KIAA0408: variants seen among roughly 807,000 people sequenced by gnomAD.
The protein encoded by KIAA0408 is KIAA0408.
Under a neutral mutation model 60.9 loss-of-function variants are expected in KIAA0408, and 51 were observed. That is an observed-to-expected ratio of 0.84 (90% CI 0.67 to 1.06). The LOEUF (loss-of-function observed/expected upper bound fraction) is 1.06, where lower values mean the gene tolerates loss of function less well. Ranked by LOEUF, KIAA0408 falls within the 50% of genes least tolerant of loss-of-function variation. KIAA0408 has a pLI of 0.00. For missense variants in KIAA0408, 787 were observed against 833.9 expected, an observed-to-expected ratio of 0.94 and a Z score of 0.69; for synonymous variants, 304 against 282.4, an observed-to-expected ratio of 1.08 and a Z score of -0.77.
intron 2 of KIAA0408, among the ~76,000 whole-genome samples, chr6:127,452,005 A>G (rs540113933): frequency 6.6e-6 from 1 of 152,272 alleles, no homozygotes; most frequent in East Asian, 1.9e-4. Context: ...CAGAATTTCT[A>G]TCTGGATTAT....
rs1353048483 is a variant in KIAA0408 at position 127,453,951 on chromosome 6, CTG to C, written c.29_30del (p.Thr10ArgfsTer3). The C allele has an allele frequency of 7.4e-6, 12 of 1,612,788 alleles. No individual in the cohort carries two copies. The highest frequency in any genetic ancestry group is 9.3e-6 in the Non-Finnish European group (11 of 1,179,192). ...ATCTTTTCCTTATGCCAGTTAGTCT[CTG>C]TGTTCTCCCACTGCTTATGTAGGTC... MDLHKQWEN[T>X]ETNWHKEKME... On this transcript the variant is annotated frameshift_variant, in exon 2 of 6. Transcript: ENST00000483725. LOFTEE classifies it high-confidence loss of function.
At chr6:127,453,164 A>G (rs3757001) in intron 2 of KIAA0408, among the ~76,000 whole-genome samples, 29,038 of 152,044 alleles carry the variant, frequency 0.19, 4,536 homozygotes, top group East Asian at 0.65. Flanking sequence ...ATTATTTCCA[A>G]TTGGTGCAAA....
chr6:127,449,774 T>C, intron 4 of KIAA0408, 48 bp downstream of exon 4: 1 of 1,608,754 alleles, frequency 6.2e-7, no homozygotes, highest in Non-Finnish European at 8.5e-7. Flanking sequence ...CTAAAAACAA[T>C]ATTATTTTTT....
At chr6:127,444,379 A>G in intron 5 of KIAA0408, 97 bp from the exon 6 acceptor site, 1 of 947,208 alleles carries the variant, frequency 1.1e-6, no homozygotes, top group Admixed American at 3.0e-5. Context: ...CCGTTAGTAA[A>G]TTTACAAGAA....
intron 5 of KIAA0408, 142 bp downstream of exon 5, chr6:127,446,266 T>C (rs2114790995): frequency 7.1e-7 from 1 of 1,410,984 alleles, no homozygotes; most frequent in East Asian, 2.3e-5. Context: ...TGAGTTATAT[T>C]TATTTACAAA....
intron 2 of KIAA0408, among the ~76,000 whole-genome samples, chr6:127,452,855 T>C (rs913484499): frequency 1.3e-5 from 2 of 152,070 alleles, no homozygotes; most frequent in Admixed American, 1.3e-4. Context: ...ACAAGAAGTA[T>C]ATATTCTCCT....
chr6:127,438,948 G>T lies in KIAA0408; in HGVS notation c.*5161C>A, dbSNP rs1773062276. Reference sequence around the variant, plus strand: ...TGGATTATGAAGGCTTCTCTTTCATGAATGGGATTTAAGGCCCTTATAAAA... The same window carrying T: ...TGGATTATGAAGGCTTCTCTTTCATTAATGGGATTTAAGGCCCTTATAAAA... On this transcript the variant is annotated 3_prime_UTR_variant, in exon 6 of 6. Coordinates refer to ENST00000483725, the MANE Select transcript of KIAA0408 (RefSeq NM_014702.5). 1 of 152,174 alleles carries T rather than the reference G, an allele frequency of 6.6e-6. No individual in the cohort carries two copies. The highest frequency in any genetic ancestry group is 1.5e-5 in the Non-Finnish European group (1 of 68,036). The allele number at this position is 152,174 out of a possible 1,614,324, so 9.4% of individuals were successfully genotyped here. A position where few individuals can be genotyped will look rare whatever the true frequency, so the allele number is the denominator to read the frequency against.
At chr6:127,453,304 A>T (rs1480005301) in intron 2 of KIAA0408, among the ~76,000 whole-genome samples, 2 of 152,048 alleles carry the variant, frequency 1.3e-5, no homozygotes, top group Admixed American at 1.3e-4. Flanking sequence ...TCCTTTTCCA[A>T]TAAATATGCC....
chr6:127,449,746 G>A, intron 4 of KIAA0408, 76 bp downstream of exon 4: 3 of 1,564,398 alleles, frequency 1.9e-6, no homozygotes, highest in Middle Eastern at 1.8e-4. Context: ...TAAGGAGGAG[G>A]CAGTTTGGAG....
rs894044483 is a variant in KIAA0408 at position 127,440,911 on chromosome 6, T to C, written c.*3198A>G. ...TGGCTTCAGTTGTACTACCTAGAGATATTTTGGAAGAAGCTAGAGTGAACT... is the reference window on the plus strand; with the variant it reads ...TGGCTTCAGTTGTACTACCTAGAGACATTTTGGAAGAAGCTAGAGTGAACT... On this transcript the variant is annotated 3_prime_UTR_variant, in exon 6 of 6. Coordinates refer to ENST00000483725, the MANE Select transcript of KIAA0408 (RefSeq NM_014702.5). 6.6e-6 allele frequency: 1 copy of C among 152,334 alleles called. No homozygotes were observed. Among genetic ancestry groups the C allele is most frequent in the Admixed American group, 6.5e-5 (1 of 15,298 alleles). 9.4% of individuals were successfully genotyped at this position (152,334 alleles called of 1,614,324 possible). A position where few individuals can be genotyped will look rare whatever the true frequency, so the allele number is the denominator to read the frequency against.
intron 5 of KIAA0408, among the ~76,000 whole-genome samples, chr6:127,445,662 G>T (rs1262851028): frequency 2.0e-5 from 3 of 152,156 alleles, no homozygotes; most frequent in Non-Finnish European, 2.9e-5. Context: ...ATGAGTAAAA[G>T]AGAGTGTTGT....
rs530631024 is a variant in KIAA0408 at position 127,438,659 on chromosome 6, T to A, written c.*5450A>T. ...TCCTAGGCTACAAACCTGTACAGCA[T>A]GTTACTGTACTGAATACTAAAGGCA... On this transcript the variant is annotated 3_prime_UTR_variant, in exon 6 of 6. Transcript: ENST00000483725. 6.6e-6 allele frequency: 1 copy of A among 152,214 alleles called. No individual in the cohort carries two copies. The highest frequency in any genetic ancestry group is 1.5e-5 in the Non-Finnish European group (1 of 68,040). The allele number at this position is 152,214 out of a possible 1,614,324, so 9.4% of individuals were successfully genotyped here.
In KIAA0408 at chr6:127,440,721, A is replaced by G. The variant is rs571326163; in HGVS notation, c.*3388T>C. On this transcript the variant is annotated 3_prime_UTR_variant, in exon 6 of 6. Transcript: ENST00000483725. Reference sequence around the variant, plus strand: ...ATAAAAAAATCTGATTTTCCTGAAAATGGTTTAATTTTATGATGTAAATGC... The same window carrying G: ...ATAAAAAAATCTGATTTTCCTGAAAGTGGTTTAATTTTATGATGTAAATGC... The G allele has an allele frequency of 6.6e-6, 1 of 152,344 alleles. No individual in the cohort carries two copies. Among genetic ancestry groups the G allele is most frequent in the Non-Finnish European group, 1.5e-5 (1 of 68,024 alleles). 9.4% of individuals were successfully genotyped at this position (152,344 alleles called of 1,614,324 possible).
intron 2 of KIAA0408, 73 bp downstream of exon 2, chr6:127,453,774 A>G: frequency 1.3e-6 from 2 of 1,541,504 alleles, no homozygotes; most frequent in South Asian, 1.3e-5. Context: ...ACAGTTTCCA[A>G]TACAAAACAG....
Position 127,439,380 on chromosome 6 carries a change from A to T in KIAA0408, c.*4729T>A, listed in dbSNP as rs1228012422. ...TATTTATTGGTTTTACTTCAACATCATGTCCTACATACAAAATTTATATAA... is the reference window on the plus strand; with the variant it reads ...TATTTATTGGTTTTACTTCAACATCTTGTCCTACATACAAAATTTATATAA... On this transcript the variant is annotated 3_prime_UTR_variant, in exon 6 of 6. Transcript: ENST00000483725. The T allele has an allele frequency of 6.6e-6, 1 of 152,204 alleles. No homozygotes were observed. Among genetic ancestry groups the T allele is most frequent in the African/African-American group, 2.4e-5 (1 of 41,456 alleles). 9.4% of individuals were successfully genotyped at this position (152,204 alleles called of 1,614,324 possible).
In KIAA0408 at chr6:127,439,613, T is replaced by A. The variant is rs1773072503; in HGVS notation, c.*4496A>T. 9.7e-6 allele frequency: 1 copy of A among 102,684 alleles called. No individual in the cohort carries two copies. The highest frequency in any genetic ancestry group is 3.7e-5 in the African/African-American group (1 of 27,040). 6.4% of individuals were successfully genotyped at this position (102,684 alleles called of 1,614,324 possible). A position where few individuals can be genotyped will look rare whatever the true frequency, so the allele number is the denominator to read the frequency against. On this transcript the variant is annotated 3_prime_UTR_variant, in exon 6 of 6. Transcript: ENST00000483725. ...ACAAAAATGAAAAAGAGCTGTTCAA[T>A]CTTTTTTTTTTTTTGTCTTCTCTTC...
chr6:127,452,517 G>T (rs1174489688), intron 2 of KIAA0408, among the ~76,000 whole-genome samples: 1 of 152,114 alleles, frequency 6.6e-6, no homozygotes, highest in South Asian at 2.1e-4. Context: ...TACCATAGAT[G>T]AACTCTATAG....
Position 127,443,309 on chromosome 6 carries a change from AT to A in KIAA0408, c.*799del, listed in dbSNP as rs1773134995. 6.6e-6 allele frequency: 1 copy of A among 152,156 alleles called. No individual in the cohort carries two copies. The highest frequency in any genetic ancestry group is 6.5e-5 in the Admixed American group (1 of 15,268). 9.4% of individuals were successfully genotyped at this position (152,156 alleles called of 1,614,324 possible). On this transcript the variant is annotated 3_prime_UTR_variant, in exon 6 of 6. Transcript: ENST00000483725. ...TCATCATTTAATCATGTCATTTATA[AT>A]GCAGTCTCATGATACTGTCTCTGAG...
intron 1 of KIAA0408, among the ~76,000 whole-genome samples, chr6:127,456,782 G>T (rs985112789): frequency 2.2e-5 from 2 of 90,144 alleles, no homozygotes; most frequent in Admixed American, 2.5e-4. Context: ...AATATAAAGT[G>T]GTGGGGGGGG....
Sources: gnomAD v4.1 joint callset for allele counts (sites outside exome capture counted in the v4.1 genomes callset) on GRCh38, gnomAD v4.1.1 for gene constraint, MANE v1.5 for transcripts, NCBI Gene and HGNC (gene_info 2026-07-23, HGNC 2026-07-21) for gene names.